Variants in PDGFA observed in about 807,000 individuals in gnomAD.
The protein encoded by PDGFA is platelet derived growth factor subunit A, also known as platelet-derived growth factor subunit A.
PDGFA carries 9 observed loss-of-function variants against 25.6 expected under a neutral mutation model. That is an observed-to-expected ratio of 0.35 (90% CI 0.21 to 0.61). The LOEUF (loss-of-function observed/expected upper bound fraction) is 0.61. PDGFA is among the 20% of genes least tolerant of loss of function. PDGFA has a pLI of 0.75. For missense variants in PDGFA, 242 were observed against 272.8 expected, an observed-to-expected ratio of 0.89 and a Z score of 0.79; for synonymous variants, 133 against 111.8, an observed-to-expected ratio of 1.19 and a Z score of -1.20.
chr7:519,055 C>G, exon 1 of PDGFA: 1 of 1,403,836 alleles, frequency 7.1e-7, no homozygotes, highest in South Asian at 1.3e-5. Context: ...GGGGCGGGCG[C>G]TCCAGCCGGT....
At chr7:519,094 C>T in exon 1 of PDGFA, 1 of 937,880 alleles carries the variant, frequency 1.1e-6, no homozygotes, top group South Asian at 1.8e-5. Context: ...TCAGTACCAT[C>T]CCTTAGGGAG....
chr7:508,143 T>A (rs1782644191), intron 4 of PDGFA, among the ~76,000 whole-genome samples: 1 of 152,094 alleles, frequency 6.6e-6, no homozygotes, highest in African/African-American at 2.4e-5. Flanking sequence ...GCAAAGTCCT[T>A]CCCGGAGAAC....
At chr7:510,314 G>A (rs763696088) in intron 4 of PDGFA, among the ~76,000 whole-genome samples, 11 of 152,040 alleles carry the variant, frequency 7.2e-5, no homozygotes, top group South Asian at 2.1e-4. Flanking sequence ...AGATGGGAGC[G>A]CAGCCGTGCA....
chr7:499,018 G>A (rs964722219), intron 5 of PDGFA, among the ~76,000 whole-genome samples: 12 of 152,202 alleles, frequency 7.9e-5, no homozygotes, highest in South Asian at 2.1e-4. Flanking sequence ...TATGCTGATC[G>A]TTTAAGAACA....
rs1783135119 is a variant in PDGFA, at chr7:517,024, G to C, written c.160+370C>G. 6.6e-6 allele frequency among the ~76,000 whole-genome samples: 1 copy of C among 151,272 alleles called. No homozygotes were observed. On this transcript the variant is annotated intron_variant, in intron 2 of 5. Transcript: ENST00000402802. The surrounding 1 kb of genome is among the most constrained non-coding windows in gnomAD (Gnocchi z 7.4). ...TGGGGCCTCGCTCCGCGGGCTGCCCGCCCGGCGCACGGGCCAGGGCTCTGC... is the reference window on the plus strand; with the variant it reads ...TGGGGCCTCGCTCCGCGGGCTGCCCCCCCGGCGCACGGGCCAGGGCTCTGC...
At chr7:512,382 C>A in exon 3 of PDGFA, 1 of 1,613,668 alleles carries the variant, frequency 6.2e-7, no homozygotes, top group Non-Finnish European at 8.5e-7. Flanking sequence ...TGGGCAGGGG[C>A]CGCTTCTCGG....
exon 6 of PDGFA, chr7:497,939 T>TAAAAAAAAAAAAAAAAAAACAAAAAA (rs1244330783): frequency 5.0e-5 from 1 of 20,138 alleles, no homozygotes; most frequent in African/African-American, 1.9e-4. Flanking sequence ...CTTTATGGTG[T>TAAAAAAAAAAAAAAAAAAACAAAAAA]AAAAAAAAAA....
chr7:512,616 G>A, intron 2 of PDGFA, 161 bp from the exon 3 acceptor site: 1 of 1,537,930 alleles, frequency 6.5e-7, no homozygotes, highest in Non-Finnish European at 8.7e-7. Flanking sequence ...CCCTCCAGGA[G>A]AACCTCGATT....
At chr7:510,319 C>T (rs1440122070) in intron 4 of PDGFA, among the ~76,000 whole-genome samples, 1 of 151,960 alleles carries the variant, frequency 6.6e-6, no homozygotes, top group African/African-American at 2.4e-5. Context: ...GGAGCGCAGC[C>T]GTGCACCCCC....
Position 517,364 on chromosome 7 carries a change from C to A in PDGFA, c.160+30G>T, listed in dbSNP as rs1554276224. On this transcript the variant is annotated intron_variant, in intron 2 of 5. Coordinates refer to ENST00000402802, the Ensembl canonical transcript of PDGFA. This position sits in a 1 kb window ranked among gnomAD's most constrained non-coding sequence, Gnocchi z 7.4. Reference sequence around the variant, plus strand: ...CACAGGCCGCCCGCCCGCGCCCTCCCCGCGCGCGGAGGGAAGGGGCGCGAT... The same window carrying A: ...CACAGGCCGCCCGCCCGCGCCCTCCACGCGCGCGGAGGGAAGGGGCGCGAT... The A allele has an allele frequency of 2.7e-5, 32 of 1,185,076 alleles. No individual in the cohort carries two copies. The highest frequency in any genetic ancestry group is 2.6e-5 in the Non-Finnish European group (23 of 896,394). 73.4% of individuals were successfully genotyped at this position (1,185,076 alleles called of 1,614,324 possible). A position where few individuals can be genotyped will look rare whatever the true frequency, so the allele number is the denominator to read the frequency against.
At chr7:513,781 G>A (rs1186987823) in intron 2 of PDGFA, among the ~76,000 whole-genome samples, 1 of 152,182 alleles carries the variant, frequency 6.6e-6, no homozygotes, top group Non-Finnish European at 1.5e-5. Flanking sequence ...CCCCCGAGGA[G>A]CCTGCGGATT....
intron 4 of PDGFA, among the ~76,000 whole-genome samples, chr7:503,338 T>C (rs9692216): frequency 0.55 from 83,589 of 151,946 alleles, 23,258 homozygotes; most frequent in Non-Finnish European, 0.59. Context: ...ACAGCCACTA[T>C]GGATCACCCA....
chr7:510,825 T>C, exon 4 of PDGFA: 1 of 1,577,576 alleles, frequency 6.3e-7, no homozygotes, highest in Non-Finnish European at 8.6e-7. Context: ...GCTGCGGTGG[T>C]GGACGCGGGA....
chr7:513,835 C>T (rs1349981106), intron 2 of PDGFA, among the ~76,000 whole-genome samples: 2 of 152,208 alleles, frequency 1.3e-5, no homozygotes, highest in African/African-American at 2.4e-5. Context: ...CAGGCAAAGA[C>T]GAAGCTCGCC....
chr7:499,263 G>T (rs549884026), intron 5 of PDGFA, among the ~76,000 whole-genome samples: 1 of 152,340 alleles, frequency 6.6e-6, no homozygotes, highest in African/African-American at 2.4e-5. Context: ...AGCCAAGGCT[G>T]ACCAACAGTC....
chr7:501,095 C>T (rs1782315714), intron 5 of PDGFA, 21 bp downstream of exon 5: 1 of 1,614,060 alleles, frequency 6.2e-7, no homozygotes, highest in African/African-American at 1.3e-5. Context: ...AACACCGATG[C>T]CGACGAAGGC....
Position 500,781 on chromosome 7 carries a change from G to A in PDGFA, c.580+335C>T, listed in dbSNP as rs1036590793. 2.8e-6 allele frequency: 4 copies of A among 1,442,396 alleles called. No individual in the cohort carries two copies. Among genetic ancestry groups the A allele is most frequent in the Non-Finnish European group, 3.6e-6 (4 of 1,099,532 alleles). 89.3% of individuals were successfully genotyped at this position (1,442,396 alleles called of 1,614,324 possible). A position where few individuals can be genotyped will look rare whatever the true frequency, so the allele number is the denominator to read the frequency against. The stretch of plus-strand genomic sequence containing the variant: ...CGAACCTGCTCCTCCCGCCCACCCT[G>A]GCAGGAGGCCCTTCTGCAGATTCTT... On this transcript the variant is annotated intron_variant, in intron 5 of 5. Coordinates refer to ENST00000402802, the Ensembl canonical transcript of PDGFA. This position sits in a 1 kb window ranked among gnomAD's most constrained non-coding sequence, Gnocchi z 5.0.
chr7:499,474 C>T (rs1782229218), intron 5 of PDGFA, among the ~76,000 whole-genome samples: 1 of 152,210 alleles, frequency 6.6e-6, no homozygotes, highest in African/African-American at 2.4e-5. Context: ...GGAGGGGGAA[C>T]CAGGCCAGAC....
chr7:499,857 C>G (rs933496118), intron 5 of PDGFA, among the ~76,000 whole-genome samples: 2 of 152,050 alleles, frequency 1.3e-5, no homozygotes, highest in East Asian at 3.9e-4. Context: ...CTGATGATAC[C>G]TCAAGACTAC....
Sources: gnomAD v4.1 joint callset for allele counts (sites outside exome capture counted in the v4.1 genomes callset) on GRCh38, gnomAD v4.1.1 for gene constraint, Gnocchi (gnomAD v3.1) non-coding constraint, MANE v1.5 for transcripts, NCBI Gene and HGNC (gene_info 2026-07-23, HGNC 2026-07-21) for gene names.